Variants in NINL observed in about 807,000 individuals in gnomAD.
NINL encodes the protein ninein like, also known as ninein-like protein.
Under a neutral mutation model 160.3 loss-of-function variants are expected in NINL, and 153 were observed. The observed-to-expected ratio is 0.95, with a 90% CI of 0.84 to 1.09. NINL has a LOEUF of 1.09. Among genes scored for constraint, NINL ranks in the 50% least tolerant of loss-of-function variants. The pLI is 0.00. For synonymous variants in NINL, 800 were observed against 734.8 expected (o/e 1.09, Z -1.43); for missense variants, 1,829 against 1,764.0 (o/e 1.04, Z -0.66).
At chr20:25,561,417 C>T (rs968536072) in intron 1 of NINL, among the ~76,000 whole-genome samples, 2 of 152,236 alleles carry the variant, frequency 1.3e-5, no homozygotes, top group East Asian at 1.9e-4. Context: ...CCTTGGCCCC[C>T]CAAAGTGCCG....
intron 1 of NINL, among the ~76,000 whole-genome samples, chr20:25,583,021 T>TA (rs1330652662): frequency 6.6e-6 from 1 of 151,960 alleles, no homozygotes; most frequent in Non-Finnish European, 1.5e-5. Context: ...CCCAAAACCA[T>TA]AAAAAACCTA....
At chr20:25,549,038 A>G (rs2064775204) in intron 1 of NINL, among the ~76,000 whole-genome samples, 1 of 137,974 alleles carries the variant, frequency 7.2e-6, no homozygotes, top group Admixed American at 7.1e-5. Context: ...CACCTCCCAC[A>G]CCCAGCCTCA....
In NINL at chr20:25,526,422, C is replaced by T. The variant is rs1468423229; in HGVS notation, c.166G>A (p.Asp56Asn). Residue 56 changes from aspartate to asparagine, a missense_variant, in exon 2 of 24, where the codon GAC (aspartate) becomes AAC (asparagine). By Grantham distance (23) the Asp-to-Asn change is conservative. Transcript: ENST00000278886. ...PVLLQTLLGN[D>N]HFARVNFEEF... ...CCAACACTCACCCTGGCGAAATGGT[C>T]GTTTCCGAGAAGCGTCTGCAGGAGG... 8 of 1,611,260 alleles carry T rather than the reference C, an allele frequency of 5.0e-6. No homozygotes were observed. Among genetic ancestry groups the T allele is most frequent in the African/African-American group, 2.7e-5 (2 of 74,896 alleles).
rs558353866 is a variant in NINL at position 25,484,351 on chromosome 20, G to A, written c.1678-2251C>T. Among the ~76,000 whole-genome samples, 33 of 152,154 alleles carry A rather than the reference G, an allele frequency of 2.2e-4. No individual in the cohort carries two copies. The East Asian group carries it at 3.7e-3, about 17-fold the overall frequency. On this transcript the variant is annotated intron_variant, in intron 13 of 23. Transcript: ENST00000278886. ...TCAAGACACAGCGACCCCTAGGAGCGAGCAGCATGCCAGGCACCCAGATCC... is the reference window on the plus strand; with the variant it reads ...TCAAGACACAGCGACCCCTAGGAGCAAGCAGCATGCCAGGCACCCAGATCC...
intron 19 of NINL, chr20:25,462,836 C>T (rs1365918678): frequency 2.5e-5 from 7 of 282,746 alleles, no homozygotes; most frequent in Non-Finnish European, 4.7e-5. Context: ...GTTTTTTGGT[C>T]GAGACAGGGT....
chr20:25,572,009 C>T (rs942240253), intron 1 of NINL, among the ~76,000 whole-genome samples: 1 of 151,976 alleles, frequency 6.6e-6, no homozygotes, highest in Admixed American at 6.6e-5. Flanking sequence ...ATGCAGACAC[C>T]TGTCTATAAA....
rs1325727227 is a variant in NINL, at chr20:25,504,990, C to G, written c.606G>C (p.Arg202=). The G allele has an allele frequency of 6.2e-7, 1 of 1,613,796 alleles. No homozygotes were observed. Among genetic ancestry groups the G allele is most frequent in the Admixed American group, 1.7e-5 (1 of 59,958 alleles). The change falls in exon 6 of 24, where the codon CGG becomes CGC. Residue 202 remains arginine (R), a synonymous_variant. Transcript: ENST00000278886. ...PSFDTPESQI[R]GVWEELGVGS... is the part of the protein sequence containing the mutation. The stretch of plus-strand genomic sequence containing the variant: ...CCACCCCCAGCTCTTCCCACACGCC[C>G]CGGATCTGGCTCTCTGGGGTGTCAA...
chr20:25,536,132 C>T (rs2147022433), intron 1 of NINL, among the ~76,000 whole-genome samples: 1 of 152,284 alleles, frequency 6.6e-6, no homozygotes, highest in Non-Finnish European at 1.5e-5. Flanking sequence ...TCCATGTGCT[C>T]AGGGTAAATG....
At chr20:25,454,818 G>C (rs2090626863) in intron 23 of NINL, among the ~76,000 whole-genome samples, 1 of 152,130 alleles carries the variant, frequency 6.6e-6, no homozygotes, top group South Asian at 2.1e-4. Context: ...TACAGACCAG[G>C]TGAGTTATGG....
intron 20 of NINL, among the ~76,000 whole-genome samples, chr20:25,461,946 T>C (rs2062798819): frequency 6.6e-6 from 1 of 152,224 alleles, no homozygotes; most frequent in South Asian, 2.1e-4. Context: ...GTGGCTGTGC[T>C]GTGATCCAGT....
intron 12 of NINL, among the ~76,000 whole-genome samples, 196 bp from the exon 13 acceptor site, chr20:25,489,520 C>T (rs1327773307): frequency 1.3e-5 from 2 of 151,826 alleles, no homozygotes; most frequent in African/African-American, 2.4e-5. Flanking sequence ...ATTTTCCAGA[C>T]TTAGATCTAA....
chr20:25,524,226 G>A (rs1262911356), intron 2 of NINL, among the ~76,000 whole-genome samples: 1 of 152,220 alleles, frequency 6.6e-6, no homozygotes, highest in East Asian at 1.9e-4. Flanking sequence ...GAGACAGGAT[G>A]AAGGGACAGG....
chr20:25,551,944 A>G (rs904922428), intron 1 of NINL, among the ~76,000 whole-genome samples: 3 of 152,244 alleles, frequency 2.0e-5, no homozygotes, highest in Non-Finnish European at 4.4e-5. Flanking sequence ...TTTAGGGGCT[A>G]GCAAGGGATG....
chr20:25,566,532 G>A (rs947437555), intron 1 of NINL, among the ~76,000 whole-genome samples: 1 of 152,184 alleles, frequency 6.6e-6, no homozygotes, highest in Non-Finnish European at 1.5e-5. Flanking sequence ...AACATGTGAG[G>A]GGCTGTAATG....
rs11476280 is a variant in NINL at position 25,499,945 on chromosome 20, C to CAAAAAA, written c.1032+889_1032+894dup. Among the ~76,000 whole-genome samples, 55 of 61,408 alleles carry CAAAAAA rather than the reference C, an allele frequency of 9.0e-4. 5 individuals are homozygous for CAAAAAA. Among genetic ancestry groups the CAAAAAA allele is most frequent in the African/African-American group, 2.5e-3 (43 of 17,272 alleles). The allele number at this position is 61,408 out of a possible 152,430, so 40.3% of individuals were successfully genotyped here. On this transcript the variant is annotated intron_variant, in intron 8 of 23. Coordinates refer to ENST00000278886, the MANE Select transcript of NINL (RefSeq NM_025176.6). Reference sequence around the variant, plus strand: ...GACAAACAGTATGACACCAATTTCGCAAAAAAAAAAAAAAAAAAAAAAAAA... The same window carrying CAAAAAA: ...GACAAACAGTATGACACCAATTTCGCAAAAAAAAAAAAAAAAAAAAAAAAAAAAAAA...
intron 3 of NINL, among the ~76,000 whole-genome samples, chr20:25,515,016 C>T (rs1371097026): frequency 1.3e-5 from 2 of 152,218 alleles, no homozygotes; most frequent in East Asian, 1.9e-4. Context: ...GGTTGGGGCC[C>T]ACCCAGAGTC....
chr20:25,463,644 G>A (rs1054367790), intron 19 of NINL, among the ~76,000 whole-genome samples: 3 of 152,156 alleles, frequency 2.0e-5, no homozygotes, highest in African/African-American at 4.8e-5. Context: ...TTTTCCCACC[G>A]CAGCTCCTGG....
At chr20:25,578,297 G>A (rs958916225) in intron 1 of NINL, among the ~76,000 whole-genome samples, 2 of 151,536 alleles carry the variant, frequency 1.3e-5, no homozygotes, top group Admixed American at 1.3e-4. Context: ...TGGTAGAGAC[G>A]GGGATTCACC....
intron 14 of NINL, 98 bp from the exon 15 acceptor site, chr20:25,480,365 G>A: frequency 1.2e-6 from 1 of 836,454 alleles, no homozygotes. Flanking sequence ...GCATCCATGA[G>A]GGGCAGGTGG....
Sources: gnomAD v4.1 joint callset for allele counts (sites outside exome capture counted in the v4.1 genomes callset) on GRCh38, gnomAD v4.1.1 for gene constraint, MANE v1.5 for transcripts, NCBI Gene and HGNC (gene_info 2026-07-23, HGNC 2026-07-21) for gene names.